The following GPC6 variants were observed in gnomAD, a reference collection of about 807,000 sequenced individuals.
GPC6 encodes the protein glypican 6.
A neutral mutation model predicts 55.2 loss-of-function variants in GPC6; 14 were observed. That is an observed-to-expected ratio of 0.25 (90% confidence interval 0.17 to 0.40). GPC6 has a LOEUF of 0.40. Ranked by LOEUF, GPC6 falls within the 10% of genes least tolerant of loss-of-function variation. GPC6 has a pLI of 1.00. For synonymous variants in GPC6, 278 were observed against 259.6 expected (o/e 1.07, Z -0.68); for missense variants, 641 against 708.5 (o/e 0.90, Z 1.08).
At chr13:93,437,325 A>G (rs1461303061) in intron 1 of GPC6, among the ~76,000 whole-genome samples, 2 of 152,176 alleles carry the variant, frequency 1.3e-5, no homozygotes, top group Admixed American at 1.3e-4. Flanking sequence ...AAAAGCTATA[A>G]ATGATTAAGC....
At chr13:94,167,122 G>A (rs1888395306) in intron 4 of GPC6, among the ~76,000 whole-genome samples, 1 of 152,090 alleles carries the variant, frequency 6.6e-6, no homozygotes, top group Admixed American at 6.5e-5. Flanking sequence ...ATTTTAAATG[G>A]TGCATAGTTA....
At chr13:94,298,567 G>C (rs1479987085) in intron 5 of GPC6, among the ~76,000 whole-genome samples, 4 of 152,186 alleles carry the variant, frequency 2.6e-5, no homozygotes, top group Admixed American at 6.5e-5. Context: ...CCACGGCTCT[G>C]ATAGCTCTCC....
intron 4 of GPC6, among the ~76,000 whole-genome samples, chr13:94,063,941 C>T (rs1884426857): frequency 6.6e-6 from 1 of 152,148 alleles, no homozygotes; most frequent in Non-Finnish European, 1.5e-5. Context: ...AAGGGTTAGA[C>T]TTAACACCAT....
At chr13:93,524,640 A>G (rs1167871064) in intron 1 of GPC6, among the ~76,000 whole-genome samples, 1 of 152,064 alleles carries the variant, frequency 6.6e-6, no homozygotes, top group Non-Finnish European at 1.5e-5. Context: ...TTTTTGAGAC[A>G]CTATTGTCAA....
At chr13:94,288,497 C>T (rs535297907) in intron 5 of GPC6, among the ~76,000 whole-genome samples, 1 of 151,732 alleles carries the variant, frequency 6.6e-6, no homozygotes, top group African/African-American at 2.4e-5. Flanking sequence ...AAAACTCCTG[C>T]AAGCTCTTGC....
At chr13:93,255,740 G>A (rs1876929843) in intron 1 of GPC6, among the ~76,000 whole-genome samples, 1 of 152,102 alleles carries the variant, frequency 6.6e-6, no homozygotes, top group Non-Finnish European at 1.5e-5. Context: ...GAAAATATAA[G>A]CCTGTATACC....
intron 4 of GPC6, among the ~76,000 whole-genome samples, chr13:94,085,337 AAAAAAAAGG>A (rs1420879971): frequency 6.6e-6 from 1 of 150,752 alleles, no homozygotes; most frequent in African/African-American, 2.4e-5. Flanking sequence ...AAAAAAAAAA[AAAAAAAAGG>A]GAAGAAAAAG....
At chr13:94,352,736 C>T (rs975032057) in intron 6 of GPC6, among the ~76,000 whole-genome samples, 2 of 152,118 alleles carry the variant, frequency 1.3e-5, no homozygotes, top group Admixed American at 6.6e-5. Flanking sequence ...TTGAACTATC[C>T]TTAATTATTG....
chr13:93,950,602 T>C (rs1879210537), intron 3 of GPC6, among the ~76,000 whole-genome samples: 1 of 152,198 alleles, frequency 6.6e-6, no homozygotes, highest in Non-Finnish European at 1.5e-5. Flanking sequence ...GTCTGATCCC[T>C]TGTCTCCCAG....
At chr13:93,264,280 G>A (rs954965311) in intron 1 of GPC6, among the ~76,000 whole-genome samples, 6 of 152,014 alleles carry the variant, frequency 3.9e-5, no homozygotes, top group Non-Finnish European at 7.4e-5. Context: ...GATATCCCTC[G>A]GTATCCATAG....
At chr13:93,583,138 A>G (rs1877014603) in intron 2 of GPC6, among the ~76,000 whole-genome samples, 1 of 152,202 alleles carries the variant, frequency 6.6e-6, no homozygotes, top group African/African-American at 2.4e-5. Flanking sequence ...ACTGAATGAC[A>G]GAGTATTCTT....
chr13:94,055,818 A>G (rs1194974118), intron 4 of GPC6, among the ~76,000 whole-genome samples: 6 of 152,228 alleles, frequency 3.9e-5, no homozygotes, highest in Admixed American at 2.0e-4. Context: ...AAGTAAAAAA[A>G]TAGCCATAGC....
At position 93,546,584 on chromosome 13, in the gene GPC6, T is replaced by C. The variant is rs144763665; in HGVS notation, c.319+1163T>C. 2.8e-3 allele frequency among the ~76,000 whole-genome samples: 430 copies of C among 152,322 alleles called. 1 individual carries two copies. Among genetic ancestry groups the C allele is most frequent in the Non-Finnish European group, 4.8e-3 (328 of 68,016 alleles). On this transcript the variant is annotated intron_variant, in intron 2 of 8. Transcript: ENST00000377047. ...TGGCTCTCCCTTGTGTATAACTATA[T>C]GTGGATGTATATGAAAATAATTTTT...
chr13:93,819,306 C>G (rs543763416), intron 2 of GPC6, among the ~76,000 whole-genome samples: 61 of 152,198 alleles, frequency 4.0e-4, no homozygotes, highest in Admixed American at 1.1e-3. Flanking sequence ...TTTCCATCTG[C>G]TAGTCCAACA....
At chr13:93,351,900 C>T (rs1421709395) in intron 1 of GPC6, among the ~76,000 whole-genome samples, 1 of 152,052 alleles carries the variant, frequency 6.6e-6, no homozygotes, top group Non-Finnish European at 1.5e-5. Flanking sequence ...ATAAGCATAA[C>T]ATTTAGGGTT....
At chr13:94,324,307 G>T (rs2139133276) in intron 6 of GPC6, among the ~76,000 whole-genome samples, 1 of 131,908 alleles carries the variant, frequency 7.6e-6, no homozygotes, top group Admixed American at 8.1e-5. Flanking sequence ...ATCTATGAAA[G>T]CCTTAAAAAA....
chr13:94,272,412 T>G (rs1312380484), intron 4 of GPC6, among the ~76,000 whole-genome samples: 1 of 151,708 alleles, frequency 6.6e-6, no homozygotes, highest in Non-Finnish European at 1.5e-5. Flanking sequence ...AATGACACTT[T>G]GAGATATTTT....
intron 2 of GPC6, among the ~76,000 whole-genome samples, chr13:93,720,579 G>C (rs1262152361): frequency 6.6e-6 from 1 of 151,874 alleles, no homozygotes; most frequent in Admixed American, 6.6e-5. Context: ...GTTCTTCTCT[G>C]ATATTAGTTA....
chr13:93,743,005 G>A (rs1183424691), intron 2 of GPC6, among the ~76,000 whole-genome samples: 2 of 152,098 alleles, frequency 1.3e-5, no homozygotes, highest in African/African-American at 4.8e-5. Context: ...ATATGAAGAA[G>A]GCCTGAAGTT....
Sources: gnomAD v4.1 joint callset for allele counts (sites outside exome capture counted in the v4.1 genomes callset) on GRCh38, gnomAD v4.1.1 for gene constraint, MANE v1.5 for transcripts, NCBI Gene and HGNC (gene_info 2026-07-23, HGNC 2026-07-21) for gene names.